ARHGAP39: variants seen among roughly 807,000 people sequenced by gnomAD.
The protein encoded by ARHGAP39 is Rho GTPase activating protein 39.
In ARHGAP39, 44 loss-of-function variants were observed where a neutral mutation model predicts 106.9. The ratio of observed to expected loss-of-function variants is 0.41; its 90% CI spans 0.32 to 0.53. ARHGAP39 has a LOEUF of 0.53. Among genes scored for constraint, ARHGAP39 ranks in the 20% least tolerant of loss-of-function variants. The probability of loss-of-function intolerance (pLI) is 0.21; values close to 1 mark genes in which losing one functional copy is unlikely to be tolerated. For missense variants in ARHGAP39, 1,496 were observed against 1,577.3 expected (o/e 0.95, Z 0.87); for synonymous variants, 768 against 693.2 (o/e 1.11, Z -1.69).
intron 2 of ARHGAP39, among the ~76,000 whole-genome samples, chr8:144,587,932 C>T (rs983809168): frequency 3.3e-5 from 5 of 152,172 alleles, no homozygotes; most frequent in African/African-American, 7.2e-5. Context: ...CGTGAGCCAC[C>T]GCGCCCGGCC....
rs149576171 is a variant in ARHGAP39, at chr8:144,606,810, G to A, written c.-81-1115C>T. Among the ~76,000 whole-genome samples the A allele has an allele frequency of 4.9e-4, 74 of 152,290 alleles. No individual in the cohort carries two copies. In the East Asian group the frequency reaches 9.2e-3, roughly 19 times the overall value. ...CGTAAAACTTAGTTCTAGATGCACT[G>A]TAGGTCTAAATGTTAAAAGTAAAAT... is the stretch of plus-strand genomic sequence containing the variant. On this transcript the variant is annotated intron_variant, in intron 1 of 11. Coordinates refer to ENST00000377307, the MANE Select transcript of ARHGAP39 (RefSeq NM_025251.3).
At chr8:144,640,855 T>C (rs915568310) in intron 1 of ARHGAP39, among the ~76,000 whole-genome samples, 4 of 152,264 alleles carry the variant, frequency 2.6e-5, no homozygotes, top group South Asian at 2.1e-4. Flanking sequence ...CCACGAAACA[T>C]TGTTGAAAAC....
At chr8:144,609,706 T>G (rs971957940) in intron 1 of ARHGAP39, among the ~76,000 whole-genome samples, 15 of 152,142 alleles carry the variant, frequency 9.9e-5, no homozygotes, top group African/African-American at 3.6e-4. Flanking sequence ...CTGGCCATAT[T>G]GTCCTTTTTA....
chr8:144,536,327 T>G (rs1159736235), intron 7 of ARHGAP39, among the ~76,000 whole-genome samples: 3 of 151,948 alleles, frequency 2.0e-5, no homozygotes, highest in Non-Finnish European at 4.4e-5. Context: ...AGGTCACAGG[T>G]CTCCCAGGCC....
At chr8:144,609,997 T>G (rs1820434219) in intron 1 of ARHGAP39, among the ~76,000 whole-genome samples, 1 of 152,236 alleles carries the variant, frequency 6.6e-6, no homozygotes, top group African/African-American at 2.4e-5. Flanking sequence ...TTGAATCTAT[T>G]TAATAGATAC....
At chr8:144,587,022 G>C (rs181188408) in intron 2 of ARHGAP39, among the ~76,000 whole-genome samples, 2 of 152,184 alleles carry the variant, frequency 1.3e-5, no homozygotes, top group African/African-American at 4.8e-5. Context: ...GTTCTCATGA[G>C]ATCTGATGGT....
rs1301998976 is a variant in ARHGAP39 at position 144,644,404 on chromosome 8, C to T, written c.-81-38709G>A. 1.3e-5 allele frequency among the ~76,000 whole-genome samples: 2 copies of T among 152,064 alleles called. No homozygotes were observed. The highest frequency in any genetic ancestry group is 2.9e-5 in the Non-Finnish European group (2 of 68,010). On this transcript the variant is annotated intron_variant, in intron 1 of 11. Coordinates refer to ENST00000377307, the MANE Select transcript of ARHGAP39 (RefSeq NM_025251.3). The surrounding 1 kb of genome is among the most constrained non-coding windows in gnomAD (Gnocchi z 4.8). ...GGCAGAGATGGAGGCGGCTATGAGG[C>T]GGGGCTGGGCACAAAGCAGCAGCAT...
At chr8:144,693,209 CATGTGCCACCAT>C in the ARHGAP39 span, among the ~76,000 whole-genome samples, 1 of 150,724 alleles carries the variant, frequency 6.6e-6, no homozygotes, top group African/African-American at 2.4e-5. Context: ...GGATTACAGG[CATGTGCCACCAT>C]GCCCAGCTGA....
Position 144,646,631 on chromosome 8 carries a change from A to G in ARHGAP39, c.-82+39055T>C, listed in dbSNP as rs1821450843. On this transcript the variant is annotated intron_variant, in intron 1 of 11. Transcript: ENST00000377307. This position sits in a 1 kb window ranked among gnomAD's most constrained non-coding sequence, Gnocchi z 5.7. ...AATGTTAGAGCTCTGCGCCTGGGCT[A>G]CCTTCATTAAAAGTGAAGTTCCTTC... Among the ~76,000 whole-genome samples the G allele has an allele frequency of 6.6e-6, 1 of 152,170 alleles. No individual in the cohort carries two copies.
Position 144,545,560 on chromosome 8 carries a change from C to T in ARHGAP39, c.2210G>A (p.Arg737Gln), listed in dbSNP as rs759499570. The change falls in exon 6 of 12, where the codon CGG (arginine) becomes CAG (glutamine). Residue 737 changes from arginine (R) to glutamine (Q), a missense_variant. By Grantham distance (43) the Arg-to-Gln change is conservative. Coordinates refer to ENST00000377307, the MANE Select transcript of ARHGAP39 (RefSeq NM_025251.3). ...CTCGCAGGCCTCCTTCTTCACGTGC[C>T]GGTCGCTTGTCACGATCATGGGCTT... ...IKKPMIVTSD[R>Q]HVKKEACELF... is the part of the protein sequence containing the mutation. The T allele has an allele frequency of 2.0e-5, 32 of 1,613,600 alleles. No homozygotes were observed. The highest frequency in any genetic ancestry group is 8.3e-5 in the Admixed American group (5 of 60,004).
intron 3 of ARHGAP39, among the ~76,000 whole-genome samples, chr8:144,567,791 G>T (rs1336547943): frequency 6.6e-6 from 1 of 152,224 alleles, no homozygotes; most frequent in African/African-American, 2.4e-5. Flanking sequence ...AGGCAGGGAA[G>T]GGCCCCCTGG....
At chr8:144,570,410 T>C (rs577502273) in intron 3 of ARHGAP39, among the ~76,000 whole-genome samples, 7 of 151,974 alleles carry the variant, frequency 4.6e-5, no homozygotes, top group Middle Eastern at 3.4e-3. Flanking sequence ...TTACAAGAAA[T>C]AGACTGGATG....
intron 2 of ARHGAP39, among the ~76,000 whole-genome samples, chr8:144,596,407 C>A (rs1819625822): frequency 6.6e-6 from 1 of 152,224 alleles, no homozygotes; most frequent in African/African-American, 2.4e-5. Context: ...CCGGCGCTGT[C>A]CATCACCGCT....
At chr8:144,530,649 C>T (rs768611035) in intron 11 of ARHGAP39, 33 bp from the exon 12 acceptor site, 4 of 134,172 alleles carry the variant, frequency 3.0e-5, no homozygotes, top group Admixed American at 3.1e-4. Flanking sequence ...CGCGGAGGGG[C>T]GGGGGCGGGG....
intron 1 of ARHGAP39, among the ~76,000 whole-genome samples, chr8:144,616,078 T>G (rs551690398): frequency 4.6e-5 from 7 of 152,322 alleles, no homozygotes; most frequent in African/African-American, 1.7e-4. Context: ...GCCACCTGGA[T>G]GCGCAGAAAA....
At chr8:144,669,759 C>A (rs1487311382) in intron 1 of ARHGAP39, among the ~76,000 whole-genome samples, 1 of 152,010 alleles carries the variant, frequency 6.6e-6, no homozygotes, top group Non-Finnish European at 1.5e-5. Context: ...TCAACAAACA[C>A]AAGAAAAGAT....
intron 1 of ARHGAP39, among the ~76,000 whole-genome samples, chr8:144,618,682 G>T (rs1254734709): frequency 1.3e-5 from 2 of 152,210 alleles, no homozygotes; most frequent in Admixed American, 6.5e-5. Flanking sequence ...AGCTGGGAGG[G>T]AGGTCCCTGA....
chr8:144,580,307 C>G (rs1051797463), intron 3 of ARHGAP39, among the ~76,000 whole-genome samples: 7 of 152,160 alleles, frequency 4.6e-5, no homozygotes, highest in Non-Finnish European at 1.0e-4. Context: ...ACCCCACGCC[C>G]GCACGCAAAT....
At position 144,547,121 on chromosome 8, in the gene ARHGAP39, C is replaced by CCTCA. The variant is rs1397598387; in HGVS notation, c.1959+2_1959+5dup. On this transcript the variant is annotated splice_donor_region_variant and intron_variant, in intron 5 of 11. Coordinates refer to ENST00000377307, the MANE Select transcript of ARHGAP39 (RefSeq NM_025251.3). This position sits in a 1 kb window ranked among gnomAD's most constrained non-coding sequence, Gnocchi z 5.2. ...TCAAGCTCAGCCGCGCCCATTGGGC[C>CCTCA]CTCACCTGTGAGGGGTGGAGGTAGG... is the stretch of plus-strand genomic sequence containing the variant. 1 of 1,580,886 alleles carries CCTCA rather than the reference C, an allele frequency of 6.3e-7. No homozygotes were observed. The highest frequency in any genetic ancestry group is 2.3e-5 in the East Asian group (1 of 44,412).
Sources: gnomAD v4.1 joint callset for allele counts (sites outside exome capture counted in the v4.1 genomes callset) on GRCh38, gnomAD v4.1.1 for gene constraint, Gnocchi (gnomAD v3.1) non-coding constraint, MANE v1.5 for transcripts, NCBI Gene and HGNC (gene_info 2026-07-23, HGNC 2026-07-21) for gene names.